The following DLGAP4 variants were observed in gnomAD, a reference collection of about 807,000 sequenced individuals.
The protein encoded by DLGAP4 is disks large-associated protein 4.
A neutral mutation model predicts 86.9 loss-of-function variants in DLGAP4; 18 were observed. The observed-to-expected ratio is 0.21, with a 90% CI of 0.14 to 0.31. DLGAP4 has a LOEUF of 0.31. Ranked by LOEUF, DLGAP4 falls within the 10% of genes least tolerant of loss-of-function variation. The pLI is 1.00. For missense variants in DLGAP4, 1,085 were observed against 1,362.6 expected (o/e 0.80, Z 3.21); for synonymous variants, 548 against 574.3 (o/e 0.95, Z 0.65).
chr20:36,333,535 C>T (rs1383820235), intron 1 of DLGAP4, among the ~76,000 whole-genome samples: 1 of 152,174 alleles, frequency 6.6e-6, no homozygotes, highest in Non-Finnish European at 1.5e-5. Flanking sequence ...ATGCTTCCTC[C>T]TTTATCCAGT....
intron 1 of DLGAP4, among the ~76,000 whole-genome samples, chr20:36,316,280 C>A (rs1026736440): frequency 0.01 from 1,471 of 144,720 alleles, 15 homozygotes; most frequent in African/African-American, 0.036. Context: ...ATTGCTGCCC[C>A]TGTCACCTGC....
intron 7 of DLGAP4, among the ~76,000 whole-genome samples, chr20:36,449,270 G>T (rs568963605): frequency 6.6e-6 from 1 of 152,252 alleles, no homozygotes; most frequent in African/African-American, 2.4e-5. Context: ...TTCTGCTAGG[G>T]CACCTGGCCC....
intron 7 of DLGAP4, among the ~76,000 whole-genome samples, chr20:36,464,102 AAAG>A (rs1390676313): frequency 1.3e-5 from 2 of 152,182 alleles, no homozygotes; most frequent in African/African-American, 2.4e-5. Flanking sequence ...TTGCAGTGGA[AAAG>A]AAGAAGGGCT....
At chr20:36,377,804 T>C (rs1426466602) in intron 2 of DLGAP4, among the ~76,000 whole-genome samples, 3 of 152,064 alleles carry the variant, frequency 2.0e-5, no homozygotes, top group African/African-American at 7.2e-5. Flanking sequence ...AGAGGAAAAC[T>C]CTCCCCGCGT....
chr20:36,462,237 AGCTCCTCTCT>A, intron 7 of DLGAP4: 6 of 1,199,428 alleles, frequency 5.0e-6, no homozygotes, highest in Non-Finnish European at 6.2e-6. Flanking sequence ...TGACTTCAGG[AGCTCCTCTCT>A]GCTTTCCCCT....
chr20:36,462,404 G>T (rs1440216264), intron 7 of DLGAP4: 17 of 1,458,766 alleles, frequency 1.2e-5, no homozygotes, highest in African/African-American at 4.5e-5. Context: ...TGTGCCTCTT[G>T]CGCTGAAGGC....
intron 2 of DLGAP4, among the ~76,000 whole-genome samples, chr20:36,369,620 T>C (rs2030843940): frequency 6.6e-6 from 1 of 152,118 alleles, no homozygotes; most frequent in South Asian, 2.1e-4. Context: ...CCATAAAGGC[T>C]GGACAAGGAT....
At chr20:36,480,929 C>G (rs1430250084) in intron 7 of DLGAP4, among the ~76,000 whole-genome samples, 1 of 152,102 alleles carries the variant, frequency 6.6e-6, no homozygotes, top group African/African-American at 2.4e-5. Flanking sequence ...TTGCTTGAGC[C>G]CGGGCTATCA....
chr20:36,383,238 T>C (rs2031469948), intron 2 of DLGAP4, among the ~76,000 whole-genome samples: 1 of 152,198 alleles, frequency 6.6e-6, no homozygotes, highest in African/African-American at 2.4e-5. Context: ...TTTGAGACCA[T>C]GTGGGCAGCC....
intron 2 of DLGAP4, among the ~76,000 whole-genome samples, chr20:36,400,109 C>T (rs759558644): frequency 1.3e-5 from 2 of 152,182 alleles, no homozygotes; most frequent in African/African-American, 2.4e-5. Flanking sequence ...GATCCTGGAC[C>T]CTCACTATAT....
At chr20:36,394,441 C>G (rs1010819395) in intron 2 of DLGAP4, among the ~76,000 whole-genome samples, 1 of 152,196 alleles carries the variant, frequency 6.6e-6, no homozygotes, top group Admixed American at 6.5e-5. Context: ...GGTGCTGCCC[C>G]CTTCCTTACT....
chr20:36,526,606 G>A (rs1347304153), intron 12 of DLGAP4, among the ~76,000 whole-genome samples: 2 of 152,056 alleles, frequency 1.3e-5, no homozygotes, highest in African/African-American at 4.8e-5. Context: ...TCGGAGTCTA[G>A]GCTTGCTTTC....
intron 10 of DLGAP4, among the ~76,000 whole-genome samples, chr20:36,506,871 A>ATGAG (rs1345247289): frequency 6.6e-6 from 1 of 152,080 alleles, no homozygotes; most frequent in Non-Finnish European, 1.5e-5. Flanking sequence ...CTTTGTCTCT[A>ATGAG]TGAGTTTGAC....
intron 2 of DLGAP4, among the ~76,000 whole-genome samples, chr20:36,375,683 G>A (rs1217507941): frequency 1.3e-5 from 2 of 152,176 alleles, no homozygotes; most frequent in Non-Finnish European, 2.9e-5. Context: ...GTTGAAGGAT[G>A]AATAGGGATT....
At chr20:36,512,931 CTTTTTTTTTTTTTTTT>C (rs57978491) in intron 10 of DLGAP4, among the ~76,000 whole-genome samples, 42 of 23,530 alleles carry the variant, frequency 1.8e-3, no homozygotes, top group Non-Finnish European at 2.3e-3. Flanking sequence ...CTCAGAGGCC[CTTTTTTTTTTTTTTTT>C]TTTTTTTTTT....
Position 36,432,633 on chromosome 20 carries a change from T to A in DLGAP4, c.916T>A (p.Cys306Ser). The stretch of plus-strand genomic sequence containing the variant: ...GACCCTCAGCCACGCCCACGAGGTC[T>A]GCCAGAAGACCTCAGCCACCTTGGA... The part of the protein sequence containing the change: ...TLTLSHAHEV[C>S]QKTSATLDKS... Residue 306 changes from cysteine (C) to serine (S), a missense_variant, in exon 3 of 13, where the codon TGC (cysteine) becomes AGC (serine). Around this residue, in one of 2 missense-constraint regions of DLGAP4, gnomAD observed 1,082 missense variants for 1,344.1 expected, o/e 0.81. Coordinates refer to ENST00000339266, the MANE Select transcript of DLGAP4 (RefSeq NM_001365621.2). This position sits in a 1 kb window ranked among gnomAD's most constrained non-coding sequence, Gnocchi z 6.5. 1 of 1,612,856 alleles carries A rather than the reference T, an allele frequency of 6.2e-7. No homozygotes were observed. The highest frequency in any genetic ancestry group is 8.5e-7 in the Non-Finnish European group (1 of 1,179,630).
chr20:36,373,394 C>T (rs913080746), intron 2 of DLGAP4, among the ~76,000 whole-genome samples: 1 of 152,178 alleles, frequency 6.6e-6, no homozygotes, highest in Non-Finnish European at 1.5e-5. Context: ...AGAATTCTTC[C>T]CTGATTGCTC....
intron 10 of DLGAP4, among the ~76,000 whole-genome samples, chr20:36,514,303 A>G (rs2036908736): frequency 6.6e-6 from 1 of 152,138 alleles, no homozygotes; most frequent in African/African-American, 2.4e-5. Flanking sequence ...GAGGAGGATT[A>G]AGAGAAGAGA....
chr20:36,327,781 C>T (rs1243084115), intron 1 of DLGAP4, among the ~76,000 whole-genome samples: 119 of 147,714 alleles, frequency 8.1e-4, no homozygotes, highest in Middle Eastern at 6.9e-3. Context: ...TTAGTAGAGA[C>T]GGGGTTTCAC....
Sources: gnomAD v4.1 joint callset for allele counts (sites outside exome capture counted in the v4.1 genomes callset) on GRCh38, gnomAD v4.1.1 for gene constraint, gnomAD v4.1.1 regional missense constraint, Gnocchi (gnomAD v3.1) non-coding constraint, MANE v1.5 for transcripts, NCBI Gene and HGNC (gene_info 2026-07-23, HGNC 2026-07-21) for gene names.